The following TRPM7 variants were observed in gnomAD, a reference collection of about 807,000 sequenced individuals.
TRPM7 encodes transient receptor potential cation channel subfamily M member 7.
A neutral mutation model predicts 229.7 loss-of-function variants in TRPM7; 134 were observed. The ratio of observed to expected loss-of-function variants is 0.58; its 90% CI spans 0.51 to 0.67. The LOEUF (loss-of-function observed/expected upper bound fraction) is 0.67. Among genes scored for constraint, TRPM7 ranks in the 30% least tolerant of loss-of-function variants. The pLI is 0.00. For missense variants in TRPM7, 1,901 were observed against 2,210.0 expected (o/e 0.86, Z 2.80); for synonymous variants, 699 against 715.2 (o/e 0.98, Z 0.36).
chr15:50,644,955 G>A (rs1309113981), intron 4 of TRPM7, among the ~76,000 whole-genome samples: 2 of 151,280 alleles, frequency 1.3e-5, no homozygotes, highest in Non-Finnish European at 2.9e-5. Context: ...AGGCTGGAGT[G>A]CAGTGGCGCC....
intron 1 of TRPM7, among the ~76,000 whole-genome samples, chr15:50,679,396 C>A (rs550515789): frequency 6.8e-6 from 1 of 147,598 alleles, no homozygotes; most frequent in South Asian, 2.1e-4. Context: ...GCCATATCAA[C>A]CCATTATCTA....
At chr15:50,679,596 C>T (rs1408521945) in intron 1 of TRPM7, among the ~76,000 whole-genome samples, 1 of 136,298 alleles carries the variant, frequency 7.3e-6, no homozygotes, top group Non-Finnish European at 1.5e-5. Flanking sequence ...GGTGCAGTGG[C>T]GCAATCTGGA....
At chr15:50,626,088 C>A (rs2060550716) in intron 11 of TRPM7, among the ~76,000 whole-genome samples, 1 of 152,170 alleles carries the variant, frequency 6.6e-6, no homozygotes, top group South Asian at 2.1e-4. Flanking sequence ...TTACCAACAA[C>A]ATACTTGTAT....
chr15:50,586,313 G>A lies in TRPM7; in HGVS notation c.4486+79C>T, dbSNP rs940212466. 11 of 960,044 alleles carry A rather than the reference G, an allele frequency of 1.1e-5. No homozygotes were observed. In the African/African-American group the frequency reaches 1.8e-4, roughly 16 times the overall value. The allele number at this position is 960,044 out of a possible 1,614,324, so 59.5% of individuals were successfully genotyped here. A position where few individuals can be genotyped will look rare whatever the true frequency, so the allele number is the denominator to read the frequency against. ...GACTCCTGCACCATTCACTGCTCAT[G>A]TGTTTGACAAACATAAAATACATTT... On this transcript the variant is annotated intron_variant, in intron 28 of 38. Coordinates refer to ENST00000646667, the MANE Select transcript of TRPM7 (RefSeq NM_017672.6).
chr15:50,656,877 T>G (rs1397602778), intron 3 of TRPM7, among the ~76,000 whole-genome samples: 1 of 152,152 alleles, frequency 6.6e-6, no homozygotes, highest in Admixed American at 6.6e-5. Flanking sequence ...CCTATTGCAT[T>G]TATCTCATTA....
chr15:50,643,106 T>C (rs938066969), intron 5 of TRPM7, among the ~76,000 whole-genome samples: 13 of 152,086 alleles, frequency 8.5e-5, no homozygotes, highest in African/African-American at 2.7e-4. Context: ...CTGACCAATA[T>C]GGTGAAACCT....
intron 8 of TRPM7, 69 bp from the exon 9 acceptor site, chr15:50,633,061 G>A (rs1334935968): frequency 5.6e-6 from 8 of 1,420,430 alleles, no homozygotes; most frequent in Middle Eastern, 1.9e-4. Flanking sequence ...ATGAAGTACA[G>A]GTAGATCCAT....
rs751875266 is a variant in TRPM7 at position 50,592,254 on chromosome 15, A to G, written c.3981T>C (p.Cys1327=). 6.2e-7 allele frequency: 1 copy of G among 1,613,944 alleles called. No homozygotes were observed. Among genetic ancestry groups the G allele is most frequent in the African/African-American group, 1.3e-5 (1 of 74,918 alleles). ...CAGGTAAGTCTTGACCAAATATATT[A>G]CACTGGGGATCTTTGTCATCTTTCA... ...ILMKDDKDPQ[C]NIFGQDLPAV... The change falls in exon 26 of 39, where the codon TGT becomes TGC. Residue 1327 remains cysteine, a synonymous_variant. Coordinates refer to ENST00000646667, the MANE Select transcript of TRPM7 (RefSeq NM_017672.6).
Position 50,657,827 on chromosome 15 carries a change from A to C in TRPM7, c.84-8T>G, listed in dbSNP as rs201845221. 5.6e-6 allele frequency: 9 copies of C among 1,609,370 alleles called. No individual in the cohort carries two copies. In the African/African-American group the frequency reaches 9.3e-5, roughly 17 times the overall value. ...TGACATCCTGGAAGGCATCTATTGA[A>C]CACAAAAAGGTAAATAAATTATTTC... On this transcript the variant is annotated splice_region_variant and splice_polypyrimidine_tract_variant and intron_variant, in intron 2 of 38. Coordinates refer to ENST00000646667, the MANE Select transcript of TRPM7 (RefSeq NM_017672.6).
At chr15:50,617,713 A>G (rs562295895) in intron 13 of TRPM7, among the ~76,000 whole-genome samples, 3 of 152,202 alleles carry the variant, frequency 2.0e-5, no homozygotes, top group South Asian at 2.1e-4. Context: ...CAGTGGCTCG[A>G]TGACAGCTCA....
chr15:50,592,196 C>T lies in TRPM7; in HGVS notation c.4039G>A (p.Glu1347Lys). The T allele has an allele frequency of 6.2e-7, 1 of 1,614,140 alleles. No individual in the cohort carries two copies. The highest frequency in any genetic ancestry group is 8.5e-7 in the Non-Finnish European group (1 of 1,180,018). Reference sequence around the variant, plus strand: ...AAGGCACCAGAAGAGGAACCAGCCTCTGGAAAATTAAATTCTTTTCTCTGG... The same window carrying T: ...AAGGCACCAGAAGAGGAACCAGCCTTTGGAAAATTAAATTCTTTTCTCTGG... Reference protein sequence around the residue: ...VPQRKEFNFPEAGSSSGALFP... With the variant: ...VPQRKEFNFPKAGSSSGALFP... The change falls in exon 26 of 39, where the codon GAG (glutamate) becomes AAG (lysine). Residue 1347 changes from glutamate (E) to lysine (K), a missense_variant. Around this residue, in one of 8 missense-constraint regions of TRPM7, gnomAD observed 533 missense variants for 497.1 expected, o/e 1.07. Transcript: ENST00000646667.
At position 50,557,625 on chromosome 15, in the gene TRPM7, G is replaced by C. The variant is rs908297546; in HGVS notation, c.*4053C>G. 1.3e-5 allele frequency: 2 copies of C among 152,106 alleles called. No individual in the cohort carries two copies. Among genetic ancestry groups the C allele is most frequent in the African/African-American group, 4.8e-5 (2 of 41,422 alleles). The allele number at this position is 152,106 out of a possible 1,614,324, so 9.4% of individuals were successfully genotyped here. On this transcript the variant is annotated 3_prime_UTR_variant, in exon 39 of 39. Coordinates refer to ENST00000646667, the MANE Select transcript of TRPM7 (RefSeq NM_017672.6). ...ACAGACTGAAGAAGGTATACTATTAGAGAACATTTGCAGAAAAGAATTCCA... is the reference window on the plus strand; with the variant it reads ...ACAGACTGAAGAAGGTATACTATTACAGAACATTTGCAGAAAAGAATTCCA...
In TRPM7 at chr15:50,590,048, G is replaced by A. The variant is rs2059447725; in HGVS notation, c.4325-392C>T. Among the ~76,000 whole-genome samples the A allele has an allele frequency of 2.6e-5, 4 of 152,008 alleles. 1 individual carries two copies. The highest frequency in any genetic ancestry group is 2.6e-4 in the Admixed American group (4 of 15,264). ...AATTTTTGTATTTTTAGTAGAGACAGGGTTTCACCATGTTAGCCAGGCTGG... is the reference window on the plus strand; with the variant it reads ...AATTTTTGTATTTTTAGTAGAGACAAGGTTTCACCATGTTAGCCAGGCTGG... On this transcript the variant is annotated intron_variant, in intron 26 of 38. Coordinates refer to ENST00000646667, the MANE Select transcript of TRPM7 (RefSeq NM_017672.6).
At chr15:50,598,175 T>C (rs905046174) in intron 22 of TRPM7, among the ~76,000 whole-genome samples, 1 of 151,870 alleles carries the variant, frequency 6.6e-6, no homozygotes, top group Non-Finnish European at 1.5e-5. Context: ...GAGGTAAGAA[T>C]GAAGGAAGAA....
At chr15:50,660,558 G>A (rs180954592) in intron 2 of TRPM7, among the ~76,000 whole-genome samples, 2 of 152,254 alleles carry the variant, frequency 1.3e-5, no homozygotes, top group East Asian at 3.9e-4. Flanking sequence ...AGGTAGCTGA[G>A]GCATGAGAAT....
At chr15:50,658,380 C>G (rs1028515626) in intron 2 of TRPM7, among the ~76,000 whole-genome samples, 3 of 151,368 alleles carry the variant, frequency 2.0e-5, no homozygotes, top group African/African-American at 4.9e-5. Context: ...TAAGATCAGC[C>G]TGGGCAACAA....
chr15:50,662,063 C>T (rs956963401), intron 2 of TRPM7, among the ~76,000 whole-genome samples: 6 of 151,518 alleles, frequency 4.0e-5, no homozygotes, highest in African/African-American at 9.7e-5. Context: ...ACTAAAAATA[C>T]AAAAACTAGG....
At chr15:50,679,530 A>ATAT (rs2062192773) in intron 1 of TRPM7, among the ~76,000 whole-genome samples, 3 of 44,848 alleles carry the variant, frequency 6.7e-5, no homozygotes, top group African/African-American at 3.2e-4. Context: ...ATATATATAT[A>ATAT]TATATATATT....
intron 31 of TRPM7, 107 bp downstream of exon 31, chr15:50,578,532 T>G (rs1322443789): frequency 1.4e-5 from 16 of 1,119,190 alleles, no homozygotes; most frequent in Non-Finnish European, 2.6e-6. Flanking sequence ...CTTGGCTTTT[T>G]CTAGCTTGAA....
Sources: allele counts gnomAD v4.1 joint callset (sites outside exome capture counted in the v4.1 genomes callset), GRCh38; gene constraint gnomAD v4.1.1; regional missense constraint gnomAD v4.1.1; transcripts MANE v1.5; gene names NCBI Gene and HGNC (gene_info 2026-07-23, HGNC 2026-07-21).